Variants in FRMD4A observed in about 807,000 individuals in gnomAD.
FRMD4A encodes the protein FERM domain-containing protein 4A.
In FRMD4A, 29 loss-of-function variants were observed where a neutral mutation model predicts 129.1. The ratio of observed to expected loss-of-function variants is 0.22; its 90% CI spans 0.17 to 0.31. FRMD4A has a LOEUF of 0.31. Ranked by LOEUF, FRMD4A falls within the 10% of genes least tolerant of loss-of-function variation. The pLI, the probability that FRMD4A is intolerant of heterozygous loss-of-function variation, is 1.00. For synonymous variants in FRMD4A, 634 were observed against 571.6 expected (o/e 1.11, Z -1.56); for missense variants, 1,272 against 1,375.8 (o/e 0.92, Z 1.19).
chr10:13,988,302 T>G (rs962098315), intron 2 of FRMD4A, among the ~76,000 whole-genome samples: 2 of 152,230 alleles, frequency 1.3e-5, no homozygotes, highest in Non-Finnish European at 2.9e-5. Flanking sequence ...GAAATTCTCA[T>G]AGTGGACTCT....
intron 2 of FRMD4A, among the ~76,000 whole-genome samples, chr10:13,955,554 T>C (rs1421532025): frequency 6.6e-6 from 1 of 152,354 alleles, no homozygotes; most frequent in Admixed American, 6.5e-5. Flanking sequence ...TTTCTGCAGA[T>C]GAGCTGCAGT....
At chr10:14,280,669 C>T (rs1218366) in intron 2 of FRMD4A, among the ~76,000 whole-genome samples, 86,045 of 151,986 alleles carry the variant, frequency 0.57, 25,549 homozygotes, top group African/African-American at 0.76. Flanking sequence ...TATTTGAAAA[C>T]ACCTTGGTCT....
At position 14,021,129 on chromosome 10, in the gene FRMD4A, G is replaced by A. The variant is rs535865714; in HGVS notation, c.46-162217C>T. 2.6e-5 allele frequency among the ~76,000 whole-genome samples: 4 copies of A among 152,172 alleles called. No homozygotes were observed. In the South Asian group the frequency reaches 8.3e-4, roughly 32 times the overall value. ...CCAACAATCTCACATCTAGGAAGTG[G>A]TACCAAGCTGGGATTGAGACTTGAG... On this transcript the variant is annotated intron_variant, in intron 2 of 24. Transcript: ENST00000357447.
intron 2 of FRMD4A, among the ~76,000 whole-genome samples, chr10:14,111,069 G>GT (rs1229936445): frequency 1.3e-5 from 2 of 152,096 alleles, no homozygotes; most frequent in Non-Finnish European, 2.9e-5. Context: ...CATTTATGTT[G>GT]TTGTACAAGT....
At chr10:14,064,702 T>A (rs749592820) in intron 2 of FRMD4A, among the ~76,000 whole-genome samples, 1 of 151,850 alleles carries the variant, frequency 6.6e-6, no homozygotes. Context: ...CTCAGCCTCC[T>A]GAGTACCTGG....
chr10:13,754,707 T>C lies in FRMD4A; in HGVS notation c.465-6888A>G, dbSNP rs116347355. 2.7e-3 allele frequency among the ~76,000 whole-genome samples: 412 copies of C among 152,270 alleles called. 1 individual carries two copies. The highest frequency in any genetic ancestry group is 9.6e-3 in the African/African-American group (397 of 41,548). On this transcript the variant is annotated intron_variant, in intron 8 of 24. Transcript: ENST00000357447. ...TGTTTCAAGTTTAACAGATCAACTT[T>C]TTTTTTTCTAGGATGTTTCCAACAG...
At chr10:14,312,486 T>A (rs889799159) in intron 2 of FRMD4A, among the ~76,000 whole-genome samples, 1 of 152,226 alleles carries the variant, frequency 6.6e-6, no homozygotes, top group Non-Finnish European at 1.5e-5. Flanking sequence ...TCCAGCATCA[T>A]CTATTTAGGA....
At chr10:14,052,128 A>G (rs976822193) in intron 2 of FRMD4A, among the ~76,000 whole-genome samples, 20 of 152,218 alleles carry the variant, frequency 1.3e-4, no homozygotes, top group African/African-American at 4.8e-4. Flanking sequence ...ATGGATGCCA[A>G]GTATGCCTGG....
chr10:14,054,826 C>A (rs1834432925), intron 2 of FRMD4A, among the ~76,000 whole-genome samples: 1 of 152,154 alleles, frequency 6.6e-6, no homozygotes, highest in African/African-American at 2.4e-5. Flanking sequence ...GATAGTAAGT[C>A]TCATGAGATC....
At chr10:14,286,250 C>G (rs1336637270) in intron 2 of FRMD4A, among the ~76,000 whole-genome samples, 2 of 152,178 alleles carry the variant, frequency 1.3e-5, no homozygotes, top group Non-Finnish European at 2.9e-5. Flanking sequence ...CACTGAGAAA[C>G]TCAAAAGAGA....
chr10:14,164,074 T>C (rs1015783570), intron 2 of FRMD4A, among the ~76,000 whole-genome samples: 14 of 152,216 alleles, frequency 9.2e-5, no homozygotes, highest in Non-Finnish European at 1.9e-4. Context: ...TAATGTCTCC[T>C]GGGCCAACAG....
intron 2 of FRMD4A, among the ~76,000 whole-genome samples, chr10:14,000,365 G>T (rs80230717): frequency 3.3e-5 from 5 of 152,012 alleles, no homozygotes; most frequent in Non-Finnish European, 5.9e-5. Context: ...ATTTCCCCCG[G>T]GGCAGGTGTG....
At chr10:14,000,462 C>G (rs775375884) in intron 2 of FRMD4A, among the ~76,000 whole-genome samples, 1 of 151,784 alleles carries the variant, frequency 6.6e-6, no homozygotes, top group Non-Finnish European at 1.5e-5. Context: ...GCCTGGCCAA[C>G]CTGGTGAAAC....
At chr10:14,194,529 G>T (rs1004218818) in intron 2 of FRMD4A, among the ~76,000 whole-genome samples, 8 of 152,094 alleles carry the variant, frequency 5.3e-5, no homozygotes, top group Non-Finnish European at 8.8e-5. Context: ...GAGAATGGCG[G>T]GAACCCGGGA....
intron 2 of FRMD4A, among the ~76,000 whole-genome samples, chr10:14,266,060 T>C (rs1480698746): frequency 1.4e-5 from 2 of 147,408 alleles, no homozygotes; most frequent in East Asian, 4.2e-4. Context: ...TAAATACTGC[T>C]GGGCCACTGG....
rs915333186 is a variant in FRMD4A at position 13,857,268 on chromosome 10, T to C, written c.111+1579A>G. On this transcript the variant is annotated intron_variant, in intron 3 of 24. Coordinates refer to ENST00000357447, the MANE Select transcript of FRMD4A (RefSeq NM_018027.5). ...TAGATAATAATGGTATATCAATTTC[T>C]AGAATTTATGCAGCTGTTCAGGAGA... Among the ~76,000 whole-genome samples the C allele has an allele frequency of 3.9e-5, 6 of 152,212 alleles. 1 individual carries two copies. Among genetic ancestry groups the C allele is most frequent in the African/African-American group, 1.4e-4 (6 of 41,454 alleles).
At chr10:13,797,459 G>A (rs760851586) in intron 4 of FRMD4A, among the ~76,000 whole-genome samples, 11 of 152,118 alleles carry the variant, frequency 7.2e-5, no homozygotes, top group Non-Finnish European at 1.5e-4. Flanking sequence ...CCGTGCAAAG[G>A]CCCCGGGGTG....
At chr10:13,833,567 C>T (rs1397340389) in intron 3 of FRMD4A, among the ~76,000 whole-genome samples, 2 of 152,058 alleles carry the variant, frequency 1.3e-5, no homozygotes, top group African/African-American at 4.8e-5. Context: ...GGTTAAGGGC[C>T]CAGATTTGGG....
chr10:14,018,818 T>G (rs1311231027), intron 2 of FRMD4A, among the ~76,000 whole-genome samples: 3 of 151,938 alleles, frequency 2.0e-5, no homozygotes, highest in Non-Finnish European at 4.4e-5. Context: ...AGGGGAAGAT[T>G]TGGGGAGATG....
Sources: gnomAD v4.1 joint callset for allele counts (sites outside exome capture counted in the v4.1 genomes callset) on GRCh38, gnomAD v4.1.1 for gene constraint, MANE v1.5 for transcripts, NCBI Gene and HGNC (gene_info 2026-07-23, HGNC 2026-07-21) for gene names.